The following RFX7 variants were observed in gnomAD, a reference collection of about 807,000 sequenced individuals.
RFX7 encodes regulatory factor X7, also known as DNA-binding protein RFX7.
Under a neutral mutation model 111.8 loss-of-function variants are expected in RFX7, and 26 were observed. That is an observed-to-expected ratio of 0.23 (90% confidence interval 0.17 to 0.32). The LOEUF is 0.32. Ranked by LOEUF, RFX7 falls within the 10% of genes least tolerant of loss-of-function variation. RFX7 has a pLI of 1.00. For missense variants in RFX7, 1,573 were observed against 1,772.9 expected (o/e 0.89, Z 2.02); for synonymous variants, 624 against 624.4 (o/e 1.00, Z 0.01).
At position 56,094,705 on chromosome 15, in the gene RFX7, T is replaced by C; in HGVS notation, c.3023A>G (p.Asn1008Ser). 1 of 1,613,828 alleles carries C rather than the reference T, an allele frequency of 6.2e-7. No homozygotes were observed. ...RHTPIGTPHSNCSSSVPPSPV... is the reference protein window; with the variant it reads ...RHTPIGTPHSSCSSSVPPSPV... ...GCTGGGGGGGACACTACTGCTGCAG[T>C]TAGAATGTGGAGTACCAATGGGTGT... Residue 1008 changes from asparagine to serine, a missense_variant, in exon 10 of 10, where the codon AAC becomes AGC. Coordinates refer to ENST00000559447, the MANE Select transcript of RFX7 (RefSeq NM_022841.7).
At chr15:56,228,743 G>A (rs1359204840) in intron 2 of RFX7, among the ~76,000 whole-genome samples, 1 of 152,076 alleles carries the variant, frequency 6.6e-6, no homozygotes, top group Non-Finnish European at 1.5e-5. Flanking sequence ...GAGGACTTAA[G>A]AATGATTGAA....
chr15:56,236,150 C>G, intron 2 of RFX7, among the ~76,000 whole-genome samples: 1 of 152,122 alleles, frequency 6.6e-6, no homozygotes, highest in East Asian at 1.9e-4. Flanking sequence ...AGAGGTTGTA[C>G]ATAATTAACC....
chr15:56,192,197 A>C (rs1422588881), intron 2 of RFX7, among the ~76,000 whole-genome samples: 1 of 152,124 alleles, frequency 6.6e-6, no homozygotes, highest in Non-Finnish European at 1.5e-5. Context: ...TAGCGTAATA[A>C]TAACTTCGGA....
chr15:56,141,468 GCT>G (rs2141021795), intron 5 of RFX7, among the ~76,000 whole-genome samples: 1 of 151,798 alleles, frequency 6.6e-6, no homozygotes. Flanking sequence ...TGGTTAAAAT[GCT>G]TGCCTATGTC....
Position 56,095,939 on chromosome 15 carries a change from C to A in RFX7, c.1789G>T (p.Asp597Tyr). 1.2e-6 allele frequency: 2 copies of A among 1,607,090 alleles called. No homozygotes were observed. Among genetic ancestry groups the A allele is most frequent in the South Asian group, 2.2e-5 (2 of 91,024 alleles). The change falls in exon 10 of 10, where the codon GAC becomes TAC. Residue 597 changes from aspartate to tyrosine, a missense_variant. Asp to Tyr is a radical substitution (Grantham distance 160, BLOSUM62 -3). Around this residue, in one of 7 missense-constraint regions of RFX7, gnomAD observed 625 missense variants for 632.2 expected, o/e 0.99. Transcript: ENST00000559447. Reference protein sequence around the residue: ...VIEIKATKVCDQRTKCKSRCN... With the variant: ...VIEIKATKVCYQRTKCKSRCN... The stretch of plus-strand genomic sequence containing the variant: ...CGACTTTTACATTTGGTCCTCTGGT[C>A]ACAGACCTTAGTTGCTTTTATTTCA...
chr15:56,208,075 T>A (rs1382616564), intron 2 of RFX7, among the ~76,000 whole-genome samples: 1 of 152,224 alleles, frequency 6.6e-6, no homozygotes, highest in Non-Finnish European at 1.5e-5. Context: ...TCCAAGAGCT[T>A]GACCAGGTTT....
At chr15:56,156,895 G>C (rs1048581749) in intron 3 of RFX7, among the ~76,000 whole-genome samples, 2 of 152,194 alleles carry the variant, frequency 1.3e-5, no homozygotes, top group Non-Finnish European at 2.9e-5. Flanking sequence ...TAGTGAGCTT[G>C]TTAAAACAAA....
intron 5 of RFX7, among the ~76,000 whole-genome samples, chr15:56,138,908 GA>G (rs1414908884): frequency 6.6e-6 from 1 of 152,144 alleles, no homozygotes; most frequent in Non-Finnish European, 1.5e-5. Context: ...ATTCTGGGTT[GA>G]AAATTCTTGT....
chr15:56,192,500 G>A (rs956651523), intron 2 of RFX7: 5 of 174,424 alleles, frequency 2.9e-5, no homozygotes, highest in Middle Eastern at 6.3e-4. Context: ...CCAGCCCAAC[G>A]TAATCTAGAA....
At position 56,243,180 on chromosome 15, in the gene RFX7, C is replaced by A; in HGVS notation, c.106G>T (p.Gly36Trp). 7.4e-7 allele frequency: 1 copy of A among 1,354,650 alleles called. No individual in the cohort carries two copies. The highest frequency in any genetic ancestry group is 9.8e-7 in the Non-Finnish European group (1 of 1,016,472). 83.9% of individuals were successfully genotyped at this position (1,354,650 alleles called of 1,614,324 possible). A position where few individuals can be genotyped will look rare whatever the true frequency, so the allele number is the denominator to read the frequency against. The stretch of plus-strand genomic sequence containing the variant: ...GCGCTGGCCTCTGTCCCTGGCAGCC[C>A]GGGCACAAGGGCTGGCAGGGCCACC... The part of the protein sequence containing the change: ...SGVALPALVP[G>W]LPGTEASALQ... Residue 36 changes from glycine to tryptophan, a missense_variant, in exon 2 of 10, where the codon GGG becomes TGG. This residue lies in a region of RFX7 where 191 missense variants were observed against 194.2 expected (regional missense o/e 0.98). Coordinates refer to ENST00000559447, the MANE Select transcript of RFX7 (RefSeq NM_022841.7).
chr15:56,238,921 C>T (rs755029393), intron 2 of RFX7, among the ~76,000 whole-genome samples: 1 of 152,144 alleles, frequency 6.6e-6, no homozygotes, highest in African/African-American at 2.4e-5. Flanking sequence ...GCAACCTCCA[C>T]CTCCTGGGTT....
Position 56,095,751 on chromosome 15 carries a change from T to TC in RFX7, c.1976dup (p.Leu660ThrfsTer35), listed in dbSNP as rs2041666963. On this transcript the variant is annotated frameshift_variant, in exon 10 of 10. Transcript: ENST00000559447. LOFTEE classifies it high-confidence loss of function. ...GGGTCTCCTGCAATGTAGAAGACAG[T>TC]CGTTTTCTTGGGCTTTTAGTGCATA... 6.2e-7 allele frequency: 1 copy of TC among 1,613,802 alleles called. No individual in the cohort carries two copies. Among genetic ancestry groups the TC allele is most frequent in the African/African-American group, 1.3e-5 (1 of 74,910 alleles).
intron 5 of RFX7, among the ~76,000 whole-genome samples, chr15:56,117,342 G>A (rs984794589): frequency 1.3e-5 from 2 of 152,100 alleles, no homozygotes; most frequent in Non-Finnish European, 2.9e-5. Flanking sequence ...TCTATTTCAT[G>A]TAGAGGAAAG....
intron 5 of RFX7, among the ~76,000 whole-genome samples, chr15:56,119,205 G>C (rs1054716509): frequency 6.6e-6 from 1 of 152,116 alleles, no homozygotes; most frequent in African/African-American, 2.4e-5. Flanking sequence ...GATCCCATCT[G>C]TCCACTTCTG....
intron 5 of RFX7, among the ~76,000 whole-genome samples, chr15:56,109,378 C>T (rs540742094): frequency 0.025 from 3,828 of 152,300 alleles, 153 homozygotes; most frequent in African/African-American, 0.086. Flanking sequence ...AGTGCAGTGG[C>T]GTGATCTCGG....
chr15:56,203,765 C>G (rs187576037), intron 2 of RFX7, among the ~76,000 whole-genome samples: 7 of 152,250 alleles, frequency 4.6e-5, no homozygotes, highest in Non-Finnish European at 7.3e-5. Flanking sequence ...AGGAAGTTAC[C>G]CTATATGGTC....
In RFX7 at chr15:56,094,479, G is replaced by A; in HGVS notation, c.3249C>T (p.Leu1083=). 1 of 1,613,910 alleles carries A rather than the reference G, an allele frequency of 6.2e-7. No individual in the cohort carries two copies. The highest frequency in any genetic ancestry group is 8.5e-7 in the Non-Finnish European group (1 of 1,179,854). Residue 1083 remains leucine (L), a synonymous_variant, in exon 10 of 10, where the codon CTC becomes CTT. Coordinates refer to ENST00000559447, the MANE Select transcript of RFX7 (RefSeq NM_022841.7). ...CTTCCACTAGTTCCTGATAGCTTGG[G>A]AGAATACCATGGCCAGAAACTGATG... ...GNSSVSGHGI[L]PSYQELVEDR...
At chr15:56,107,779 A>C (rs899647961) in intron 5 of RFX7, among the ~76,000 whole-genome samples, 1 of 152,232 alleles carries the variant, frequency 6.6e-6, no homozygotes, top group Non-Finnish European at 1.5e-5. Context: ...GAAGAATCAA[A>C]TAGCAATAAA....
intron 3 of RFX7, among the ~76,000 whole-genome samples, chr15:56,149,784 C>A (rs1242828080): frequency 6.6e-6 from 1 of 151,954 alleles, no homozygotes; most frequent in Non-Finnish European, 1.5e-5. Context: ...GGGCAGACAC[C>A]GAACTAGATG....
Sources: gnomAD v4.1 joint callset for allele counts (sites outside exome capture counted in the v4.1 genomes callset) on GRCh38, gnomAD v4.1.1 for gene constraint, gnomAD v4.1.1 regional missense constraint, MANE v1.5 for transcripts, NCBI Gene and HGNC (gene_info 2026-07-23, HGNC 2026-07-21) for gene names.